CNTLN: variants seen among roughly 807,000 people sequenced by gnomAD.
The protein encoded by CNTLN is centlein, centrosomal protein.
In CNTLN, 212 loss-of-function variants were observed where a neutral mutation model predicts 180.0. The observed-to-expected ratio is 1.18, with a 90% CI of 1.05 to 1.32. The LOEUF (loss-of-function observed/expected upper bound fraction) is 1.32. Among genes scored for constraint, CNTLN ranks in the 40% most tolerant of loss-of-function variants. CNTLN has a pLI of 0.00. For missense variants in CNTLN, 2,095 were observed against 1,610.9 expected (o/e 1.30, Z -5.14); for synonymous variants, 722 against 563.1 (o/e 1.28, Z -3.99).
At chr9:17,237,394 CA>C (rs1368231416) in intron 5 of CNTLN, among the ~76,000 whole-genome samples, 185 of 147,690 alleles carry the variant, frequency 1.3e-3, no homozygotes, top group African/African-American at 4.5e-3. Context: ...CACACACACA[CA>C]CACACACACA....
At chr9:17,364,266 A>G (rs968319343) in intron 12 of CNTLN, among the ~76,000 whole-genome samples, 1 of 152,038 alleles carries the variant, frequency 6.6e-6, no homozygotes, top group Non-Finnish European at 1.5e-5. Context: ...AATGCTTTCT[A>G]TACTTCTTAT....
intron 12 of CNTLN, among the ~76,000 whole-genome samples, chr9:17,351,709 A>T (rs959910760): frequency 2.6e-5 from 4 of 152,142 alleles, no homozygotes; most frequent in Non-Finnish European, 5.9e-5. Context: ...ATAAACTCAT[A>T]AACATCTGCA....
intron 12 of CNTLN, among the ~76,000 whole-genome samples, chr9:17,363,788 T>G (rs1823591521): frequency 6.6e-6 from 1 of 152,130 alleles, no homozygotes; most frequent in African/African-American, 2.4e-5. Context: ...TAATTCCTTG[T>G]ATATATCTGT....
chr9:17,443,785 G>C (rs1478383780), intron 18 of CNTLN, among the ~76,000 whole-genome samples: 1 of 152,158 alleles, frequency 6.6e-6, no homozygotes, highest in African/African-American at 2.4e-5. Context: ...AATCTTTGCA[G>C]CAAGATCTTA....
chr9:17,240,012 T>G (rs554288497), intron 5 of CNTLN, among the ~76,000 whole-genome samples: 1 of 152,228 alleles, frequency 6.6e-6, no homozygotes, highest in African/African-American at 2.4e-5. Flanking sequence ...CATCAGAGAG[T>G]TTAATAGAGA....
At chr9:17,475,164 T>A (rs572361938) in intron 23 of CNTLN, among the ~76,000 whole-genome samples, 5 of 152,230 alleles carry the variant, frequency 3.3e-5, no homozygotes, top group Admixed American at 3.3e-4. Flanking sequence ...CTACTTGAGG[T>A]CTCTTTGCCC....
At chr9:17,352,432 G>C (rs1447333773) in intron 12 of CNTLN, among the ~76,000 whole-genome samples, 1 of 131,078 alleles carries the variant, frequency 7.6e-6, no homozygotes, top group Admixed American at 7.8e-5. Context: ...TTTTTTTTTG[G>C]TATGTAGAAA....
intron 8 of CNTLN, among the ~76,000 whole-genome samples, chr9:17,316,192 C>G (rs1476990787): frequency 6.6e-6 from 1 of 151,662 alleles, no homozygotes; most frequent in Non-Finnish European, 1.5e-5. Context: ...ATAAAATGTC[C>G]TTTACCTTTA....
intron 6 of CNTLN, among the ~76,000 whole-genome samples, chr9:17,282,795 T>C (rs1021036828): frequency 1.3e-5 from 2 of 152,186 alleles, no homozygotes; most frequent in African/African-American, 4.8e-5. Flanking sequence ...CAGTTTCAGT[T>C]TTCTCCTTAT....
the CNTLN span, among the ~76,000 whole-genome samples, chr9:17,509,108 T>C: frequency 6.6e-6 from 1 of 152,204 alleles, no homozygotes; most frequent in African/African-American, 2.4e-5. Context: ...CTGAGCAAAG[T>C]GGCCATGGTG....
intron 5 of CNTLN, among the ~76,000 whole-genome samples, chr9:17,268,349 C>A (rs542695364): frequency 1.3e-5 from 2 of 152,216 alleles, no homozygotes; most frequent in East Asian, 3.9e-4. Flanking sequence ...TTTAGAATAG[C>A]GGATATTGGT....
At chr9:17,139,847 G>A (rs1817966375) in intron 1 of CNTLN, among the ~76,000 whole-genome samples, 1 of 152,078 alleles carries the variant, frequency 6.6e-6, no homozygotes, top group African/African-American at 2.4e-5. Flanking sequence ...TAGGACTACA[G>A]GTGTGTGCCA....
chr9:17,319,879 T>C (rs996983623), intron 8 of CNTLN, among the ~76,000 whole-genome samples: 12 of 152,180 alleles, frequency 7.9e-5, no homozygotes, highest in African/African-American at 2.9e-4. Flanking sequence ...TGACAGTCTT[T>C]GCCATAGAAA....
intron 23 of CNTLN, among the ~76,000 whole-genome samples, chr9:17,480,373 A>C: frequency 6.9e-6 from 1 of 144,434 alleles, no homozygotes; most frequent in East Asian, 2.0e-4. Context: ...AAAAAAAAAC[A>C]CATTAGGAAT....
rs143736095 is a variant in CNTLN, at chr9:17,268,451, C to T, written c.850-5282C>T. 1.8e-3 allele frequency among the ~76,000 whole-genome samples: 267 copies of T among 152,296 alleles called. 5 individuals are homozygous for T. The East Asian group carries it at 0.051, about 29-fold the overall frequency. On this transcript the variant is annotated intron_variant, in intron 5 of 25. Coordinates refer to ENST00000380647, the MANE Select transcript of CNTLN (RefSeq NM_017738.4). ...TGAGGTGTCTGTCAGTCTGCCCCTA[C>T]TGGGGGGTGCCTCCCAGTTAGGCTG...
At chr9:17,409,160 C>G (rs1271592588) in intron 15 of CNTLN, 133 bp from the exon 16 acceptor site, 4 of 687,998 alleles carry the variant, frequency 5.8e-6, no homozygotes, top group African/African-American at 3.7e-5. Flanking sequence ...CATTGAGAAC[C>G]AGTAAATGCC....
chr9:17,480,831 C>G (rs1190335686), intron 23 of CNTLN, among the ~76,000 whole-genome samples: 4 of 152,136 alleles, frequency 2.6e-5, no homozygotes, highest in Non-Finnish European at 5.9e-5. Context: ...AATATTAAAA[C>G]CTTTGTAATT....
intron 18 of CNTLN, among the ~76,000 whole-genome samples, chr9:17,456,680 A>G (rs1331980740): frequency 6.6e-6 from 1 of 152,082 alleles, no homozygotes; most frequent in African/African-American, 2.4e-5. Flanking sequence ...ATTTTGTCTA[A>G]TTGTACCTTA....
rs1319350735 is a variant in CNTLN at position 17,418,889 on chromosome 9, G to T, written c.3114+2700G>T. Among the ~76,000 whole-genome samples the T allele has an allele frequency of 7.2e-5, 11 of 152,064 alleles. No individual in the cohort carries two copies. The East Asian group carries it at 1.9e-3, about 27-fold the overall frequency. On this transcript the variant is annotated intron_variant, in intron 18 of 25. Transcript: ENST00000380647. The stretch of plus-strand genomic sequence containing the variant: ...ATATGTAATTAAAGTACCATTGTTC[G>T]TTAAGAGGTTGATAAGAGGAACACA...
Sources: gnomAD v4.1 joint callset for allele counts (sites outside exome capture counted in the v4.1 genomes callset) on GRCh38, gnomAD v4.1.1 for gene constraint, MANE v1.5 for transcripts, NCBI Gene and HGNC (gene_info 2026-07-23, HGNC 2026-07-21) for gene names.